ABCC3: variants seen among roughly 807,000 people sequenced by gnomAD.
The protein encoded by ABCC3 is ATP binding cassette subfamily C member 3, also known as ATP-binding cassette sub-family C member 3.
Under a neutral mutation model 165.3 loss-of-function variants are expected in ABCC3, and 121 were observed. That is an observed-to-expected ratio of 0.73 (90% CI 0.63 to 0.85). The LOEUF (loss-of-function observed/expected upper bound fraction) is 0.85. Ranked by LOEUF, ABCC3 falls within the 40% of genes least tolerant of loss-of-function variation. ABCC3 has a pLI of 0.00. For synonymous variants in ABCC3, 733 were observed against 810.1 expected, an observed-to-expected ratio of 0.90 and a Z score of 1.62; for missense variants, 1,869 against 1,964.1, an observed-to-expected ratio of 0.95 and a Z score of 0.92.
Position 50,684,793 on chromosome 17 carries a change from G to A in ABCC3, c.4198G>A (p.Glu1400Lys). The part of the protein sequence containing the change: ...YSEEDIWWAL[E>K]LSHLHTFVSS... Reference sequence around the variant, plus strand: ...AGAGGAGGACATTTGGTGGGCTTTGGAGCTGTCCCACCTGCACACGTTTGT... The same window carrying A: ...AGAGGAGGACATTTGGTGGGCTTTGAAGCTGTCCCACCTGCACACGTTTGT... The change falls in exon 29 of 31, where the codon GAG (glutamate) becomes AAG (lysine). Residue 1400 changes from glutamate to lysine, a missense_variant. Physicochemically the swap from Glu to Lys is moderately conservative, Grantham distance 56. Transcript: ENST00000285238. 6.2e-7 allele frequency: 1 copy of A among 1,614,138 alleles called. No homozygotes were observed. Among genetic ancestry groups the A allele is most frequent in the Non-Finnish European group, 8.5e-7 (1 of 1,180,038 alleles).
chr17:50,655,076 G>A (rs1426423282), intron 1 of ABCC3, among the ~76,000 whole-genome samples: 1 of 134,248 alleles, frequency 7.4e-6, no homozygotes, highest in Admixed American at 7.5e-5. Flanking sequence ...CTCCAGCCTG[G>A]GCGACAGAGT....
Position 50,683,024 on chromosome 17 carries a change from C to T in ABCC3, c.3808-586C>T, listed in dbSNP as rs559185264. ...TTCGAGACCAGCCTGGTCAACACAG[C>T]GAGACACAGTCTCTTCAGAGTTTTT... On this transcript the variant is annotated intron_variant, in intron 26 of 30. Coordinates refer to ENST00000285238, the MANE Select transcript of ABCC3 (RefSeq NM_003786.4). Among the ~76,000 whole-genome samples, 99 of 152,116 alleles carry T rather than the reference C, an allele frequency of 6.5e-4. 1 individual carries two copies. Among genetic ancestry groups the T allele is most frequent in the African/African-American group, 2.2e-3 (92 of 41,500 alleles).
intron 11 of ABCC3, among the ~76,000 whole-genome samples, chr17:50,666,641 G>A (rs982127611): frequency 6.6e-6 from 1 of 152,182 alleles, no homozygotes; most frequent in Non-Finnish European, 1.5e-5. Context: ...TTTGCTTATT[G>A]TATGCCTCCC....
chr17:50,681,459 C>A (rs1967928185), intron 26 of ABCC3, among the ~76,000 whole-genome samples: 1 of 152,150 alleles, frequency 6.6e-6, no homozygotes. Flanking sequence ...GTCCCGCCCT[C>A]CATCTCCTGT....
At chr17:50,685,034 T>C (rs1052340539) in intron 29 of ABCC3, among the ~76,000 whole-genome samples, 159 bp downstream of exon 29, 1 of 152,102 alleles carries the variant, frequency 6.6e-6, no homozygotes, top group African/African-American at 2.4e-5. Flanking sequence ...CCAGGCATGG[T>C]GTACTGCCCC....
chr17:50,673,982 C>CTTTTTCTTTCTT (rs1967727716), intron 19 of ABCC3, among the ~76,000 whole-genome samples: 1 of 14,682 alleles, frequency 6.8e-5, no homozygotes, highest in African/African-American at 3.3e-4. Flanking sequence ...CTTTCTTTCT[C>CTTTTTCTTTCTT]TCTCTCTCTC....
intron 17 of ABCC3, among the ~76,000 whole-genome samples, chr17:50,672,026 G>A (rs1967658592): frequency 6.6e-6 from 1 of 151,748 alleles, no homozygotes; most frequent in South Asian, 2.1e-4. Flanking sequence ...GCGACCTCAG[G>A]TTTCTCTTTC....
rs763634314 is a variant in ABCC3, at chr17:50,661,121, C to T, written c.998+7C>T. ...TCAATCCACAGCTGCTCAGGTCTCT[C>T]CACACTCCGGCTCACTATAGCCCTG... On this transcript the variant is annotated splice_region_variant and intron_variant, in intron 8 of 30. Coordinates refer to ENST00000285238, the MANE Select transcript of ABCC3 (RefSeq NM_003786.4). The T allele has an allele frequency of 1.9e-6, 3 of 1,608,546 alleles. No individual in the cohort carries two copies. Among genetic ancestry groups the T allele is most frequent in the Admixed American group, 1.7e-5 (1 of 59,654 alleles).
intron 29 of ABCC3, 36 bp downstream of exon 29, chr17:50,684,911 C>T (rs778076068): frequency 9.4e-6 from 15 of 1,602,992 alleles, no homozygotes; most frequent in African/African-American, 6.7e-5. Flanking sequence ...GGAACTGCAA[C>T]CCTCCCTGGG....
At chr17:50,686,668 A>G (rs1409777154) in intron 29 of ABCC3, among the ~76,000 whole-genome samples, 1 of 152,064 alleles carries the variant, frequency 6.6e-6, no homozygotes, top group Non-Finnish European at 1.5e-5. Flanking sequence ...GATCAGAGAC[A>G]GAAATCAGCT....
chr17:50,651,581 G>A (rs1967116742), intron 1 of ABCC3, among the ~76,000 whole-genome samples: 1 of 152,142 alleles, frequency 6.6e-6, no homozygotes, highest in Non-Finnish European at 1.5e-5. Context: ...AAATTAGCTG[G>A]ATGTGGTAGC....
At chr17:50,690,338 G>C (rs752445449) in intron 30 of ABCC3, among the ~76,000 whole-genome samples, 48 of 151,962 alleles carry the variant, frequency 3.2e-4, no homozygotes, top group Non-Finnish European at 8.8e-5. Context: ...TGGGATCGGC[G>C]GGAGGGGAGG....
rs1018761611 is a variant in ABCC3, at chr17:50,673,651, C to T, written c.2592C>T (p.Ser864=). The change falls in exon 19 of 31, where the codon AGC becomes AGT. Residue 864 remains serine (S), a synonymous_variant. Transcript: ENST00000285238. The part of the protein sequence containing the change: ...PDEDQGHLED[S]WTALEGAEDK... Reference sequence around the variant, plus strand: ...AGGACCAAGGGCACCTGGAGGACAGCTGGACCGGTATCTGCCATCCTGGGC... The same window carrying T: ...AGGACCAAGGGCACCTGGAGGACAGTTGGACCGGTATCTGCCATCCTGGGC... 16 of 1,614,082 alleles carry T rather than the reference C, an allele frequency of 9.9e-6. No homozygotes were observed. Among genetic ancestry groups the T allele is most frequent in the Non-Finnish European group, 1.4e-5 (16 of 1,179,970 alleles).
Position 50,687,658 on chromosome 17 carries a change from T to C in ABCC3, c.4403T>C (p.Ile1468Thr), listed in dbSNP as rs1306273512. 1 of 1,614,224 alleles carries C rather than the reference T, an allele frequency of 6.2e-7. No individual in the cohort carries two copies. The highest frequency in any genetic ancestry group is 2.2e-5 in the East Asian group (1 of 44,888). ...ACTGACAACCTCATCCAGGCTACCA[T>C]CCGCACCCAGTTTGATACCTGCACT... ...LETDNLIQAT[I>T]RTQFDTCTVL... Residue 1468 changes from isoleucine (I) to threonine (T), a missense_variant, in exon 30 of 31, where the codon ATC becomes ACC. Ile to Thr is a moderately conservative substitution (Grantham distance 89, BLOSUM62 -1). Coordinates refer to ENST00000285238, the MANE Select transcript of ABCC3 (RefSeq NM_003786.4).
At chr17:50,682,093 C>T (rs975319080) in intron 26 of ABCC3, among the ~76,000 whole-genome samples, 3 of 152,102 alleles carry the variant, frequency 2.0e-5, no homozygotes, top group South Asian at 2.1e-4. Context: ...CACCTCTGGC[C>T]GCGTGGTTTC....
intron 4 of ABCC3, 42 bp from the exon 5 acceptor site, chr17:50,658,040 G>C (rs1483405776): frequency 6.2e-7 from 1 of 1,613,440 alleles, no homozygotes; most frequent in Non-Finnish European, 8.5e-7. Context: ...GCAGGCCCAG[G>C]CTTTTCCAGT....
rs1216603053 is a variant in ABCC3, at chr17:50,663,779, T to C, written c.1097T>C (p.Ile366Thr). The part of the protein sequence containing the change: ...MFLCSMMQSL[I>T]LQHYYHYIFV... ...CTGTGCTCCATGATGCAGTCGCTGA[T>C]CTTACAACACTATTACCACTACATC... Residue 366 changes from isoleucine to threonine, a missense_variant, in exon 9 of 31, where the codon ATC becomes ACC. Transcript: ENST00000285238. The C allele has an allele frequency of 3.1e-6, 5 of 1,614,096 alleles. No homozygotes were observed. The highest frequency in any genetic ancestry group is 4.2e-6 in the Non-Finnish European group (5 of 1,180,052).
chr17:50,668,955 C>A, intron 15 of ABCC3, 36 bp downstream of exon 15: 1 of 1,608,872 alleles, frequency 6.2e-7, no homozygotes. Flanking sequence ...CAGCTGCCCA[C>A]GGTGGGCTGG....
chr17:50,664,207 T>G, intron 10 of ABCC3, 96 bp downstream of exon 10: 2 of 1,498,142 alleles, frequency 1.3e-6, no homozygotes, highest in Non-Finnish European at 1.8e-6. Context: ...GGCACATGCT[T>G]GTAGTCCCAG....
Sources: allele counts gnomAD v4.1 joint callset (sites outside exome capture counted in the v4.1 genomes callset), GRCh38; gene constraint gnomAD v4.1.1; transcripts MANE v1.5; gene names NCBI Gene and HGNC (gene_info 2026-07-23, HGNC 2026-07-21).